PRKCA: variants seen among roughly 807,000 people sequenced by gnomAD.
PRKCA encodes protein kinase C alpha type.
PRKCA carries 27 observed loss-of-function variants against 87.0 expected under a neutral mutation model. The observed-to-expected ratio is 0.31, with a 90% confidence interval of 0.23 to 0.43. The LOEUF is 0.43. PRKCA is among the 20% of genes least tolerant of loss of function. PRKCA has a pLI of 1.00. For missense variants in PRKCA, 518 were observed against 852.3 expected (o/e 0.61, Z 4.88); for synonymous variants, 329 against 311.1 (o/e 1.06, Z -0.61).
intron 9 of PRKCA, among the ~76,000 whole-genome samples, chr17:66,734,800 G>A (rs1973985145): frequency 6.6e-6 from 1 of 152,102 alleles, no homozygotes; most frequent in African/African-American, 2.4e-5. Flanking sequence ...CGCTAAAGAG[G>A]CATTTATTTG....
chr17:66,498,173 C>T (rs930886756), intron 3 of PRKCA, among the ~76,000 whole-genome samples: 1 of 146,760 alleles, frequency 6.8e-6, no homozygotes, highest in Non-Finnish European at 1.5e-5. Flanking sequence ...ACTTTCCATA[C>T]TTCTCTTCTG....
chr17:66,651,018 T>C (rs1198627373), intron 5 of PRKCA, among the ~76,000 whole-genome samples: 2 of 152,148 alleles, frequency 1.3e-5, no homozygotes, highest in Non-Finnish European at 2.9e-5. Flanking sequence ...TGGCGGGTGC[T>C]GTACCTGCAG....
chr17:66,495,699 C>T (rs1282425604), intron 2 of PRKCA, among the ~76,000 whole-genome samples: 1 of 151,742 alleles, frequency 6.6e-6, no homozygotes, highest in Non-Finnish European at 1.5e-5. Context: ...ATTACAGGCG[C>T]CCATCACTAT....
At chr17:66,304,048 C>T (rs1158328480) in intron 1 of PRKCA, among the ~76,000 whole-genome samples, 2 of 152,040 alleles carry the variant, frequency 1.3e-5, no homozygotes, top group Admixed American at 6.6e-5. Context: ...GACCTGTAAC[C>T]CTGTTGATGA....
chr17:66,605,688 A>C (rs776947885), intron 3 of PRKCA, among the ~76,000 whole-genome samples: 46 of 152,240 alleles, frequency 3.0e-4, no homozygotes, highest in Non-Finnish European at 5.6e-4. Context: ...AATGTCCATC[A>C]GCTGATGAAT....
intron 9 of PRKCA, among the ~76,000 whole-genome samples, chr17:66,734,145 A>G (rs561060221): frequency 9.2e-5 from 14 of 152,224 alleles, no homozygotes; most frequent in Non-Finnish European, 1.9e-4. Flanking sequence ...GTTACCAGAA[A>G]GGGGTCCTGA....
At chr17:66,396,527 A>C (rs1244295835) in intron 2 of PRKCA, among the ~76,000 whole-genome samples, 1 of 151,466 alleles carries the variant, frequency 6.6e-6, no homozygotes, top group Non-Finnish European at 1.5e-5. Flanking sequence ...TGCTTTTTAC[A>C]CTTGTCATGT....
At chr17:66,604,279 G>T (rs1340579244) in intron 3 of PRKCA, among the ~76,000 whole-genome samples, 1 of 152,172 alleles carries the variant, frequency 6.6e-6, no homozygotes, top group Non-Finnish European at 1.5e-5. Context: ...AACAGGGAGG[G>T]TTCCTGGCAT....
intron 2 of PRKCA, among the ~76,000 whole-genome samples, chr17:66,428,883 A>G (rs989943959): frequency 6.6e-6 from 1 of 152,220 alleles, no homozygotes; most frequent in Non-Finnish European, 1.5e-5. Context: ...GTAAAGGATC[A>G]TTGAAGGAGT....
intron 5 of PRKCA, among the ~76,000 whole-genome samples, chr17:66,665,214 T>C (rs1464214591): frequency 6.6e-6 from 1 of 152,172 alleles, no homozygotes; most frequent in East Asian, 1.9e-4. Context: ...TTTTTAATAC[T>C]TAAACGGTTC....
At chr17:66,511,347 A>T (rs962007691) in intron 3 of PRKCA, among the ~76,000 whole-genome samples, 2 of 152,206 alleles carry the variant, frequency 1.3e-5, no homozygotes, top group Admixed American at 1.3e-4. Context: ...TACTAAAATT[A>T]ATCACAAAAG....
In PRKCA at chr17:66,779,617, G is replaced by A. The variant is rs540569077; in HGVS notation, c.1605+5550G>A. ...GCGTGGCCTCCATGACCACTTCCTA[G>A]CTGAGATCACACCAGTGCAGTGAGG... On this transcript the variant is annotated intron_variant, in intron 14 of 16. Coordinates refer to ENST00000413366, the MANE Select transcript of PRKCA (RefSeq NM_002737.3). Among the ~76,000 whole-genome samples, 466 of 152,218 alleles carry A rather than the reference G, an allele frequency of 3.1e-3. 2 individuals carry two copies. The highest frequency in any genetic ancestry group is 0.011 in the African/African-American group (441 of 41,540).
chr17:66,628,299 T>C (rs752340026), intron 3 of PRKCA, among the ~76,000 whole-genome samples: 4 of 152,152 alleles, frequency 2.6e-5, no homozygotes, highest in Non-Finnish European at 5.9e-5. Context: ...ATGCTCATGG[T>C]AGTGTTATTC....
intron 2 of PRKCA, among the ~76,000 whole-genome samples, chr17:66,493,013 C>A (rs179275): frequency 0.67 from 102,001 of 152,048 alleles, 34,449 homozygotes; most frequent in Middle Eastern, 0.76. Context: ...GCTTTAAGAG[C>A]TCTCCACTTG....
At chr17:66,778,759 C>G (rs1317852676) in intron 14 of PRKCA, among the ~76,000 whole-genome samples, 2 of 149,698 alleles carry the variant, frequency 1.3e-5, no homozygotes, top group African/African-American at 2.5e-5. Context: ...GAGGATTGAT[C>G]GAGCCCGGGG....
At chr17:66,485,940 C>G (rs1004562704) in intron 2 of PRKCA, among the ~76,000 whole-genome samples, 9 of 152,222 alleles carry the variant, frequency 5.9e-5, no homozygotes, top group African/African-American at 2.2e-4. Context: ...TTGTATAGAA[C>G]GTGTTGCAAT....
Position 66,331,267 on chromosome 17 carries a change from C to T in PRKCA, c.205+25140C>T, listed in dbSNP as rs190703708. Among the ~76,000 whole-genome samples, 85 of 152,248 alleles carry T rather than the reference C, an allele frequency of 5.6e-4. 1 individual carries two copies. Among genetic ancestry groups the T allele is most frequent in the South Asian group, 5.0e-3 (24 of 4,824 alleles). On this transcript the variant is annotated intron_variant, in intron 2 of 16. Coordinates refer to ENST00000413366, the MANE Select transcript of PRKCA (RefSeq NM_002737.3). ...TTCCTGTCCCATCAACCTCTCCCTT[C>T]GTCTGTTTTTCTCTTCTGTGTTTAA...
At chr17:66,639,617 A>C (rs1028886111) in intron 3 of PRKCA, among the ~76,000 whole-genome samples, 5 of 151,778 alleles carry the variant, frequency 3.3e-5, no homozygotes, top group Admixed American at 2.0e-4. Context: ...CAAACTCCTG[A>C]TCTCAGGTGA....
chr17:66,537,068 CAG>C (rs773803291), intron 3 of PRKCA, among the ~76,000 whole-genome samples: 108 of 152,272 alleles, frequency 7.1e-4, no homozygotes, highest in Middle Eastern at 3.4e-3. Context: ...ATTTTACTCT[CAG>C]GGAAGCCCCG....
Sources: allele counts gnomAD v4.1 joint callset (sites outside exome capture counted in the v4.1 genomes callset), GRCh38; gene constraint gnomAD v4.1.1; transcripts MANE v1.5; gene names NCBI Gene and HGNC (gene_info 2026-07-23, HGNC 2026-07-21).